Variants in SPOCK3 observed in about 807,000 individuals in gnomAD.
SPOCK3 encodes the protein testican-3.
SPOCK3 carries 30 observed loss-of-function variants against 56.6 expected under a neutral mutation model. The observed-to-expected ratio is 0.53, with a 90% CI of 0.40 to 0.72. SPOCK3 has a LOEUF of 0.72. Ranked by LOEUF, SPOCK3 falls within the 30% of genes least tolerant of loss-of-function variation. The pLI is 0.00. For synonymous variants in SPOCK3, 196 were observed against 183.3 expected (o/e 1.07, Z -0.56); for missense variants, 527 against 530.0 (o/e 0.99, Z 0.06).
At chr4:167,085,709 T>C (rs948866939) in intron 2 of SPOCK3, among the ~76,000 whole-genome samples, 3 of 152,096 alleles carry the variant, frequency 2.0e-5, no homozygotes, top group Non-Finnish European at 2.9e-5. Flanking sequence ...AAAACTTTCC[T>C]TCATCATTTT....
At chr4:167,120,593 C>T (rs1169012213) in intron 2 of SPOCK3, among the ~76,000 whole-genome samples, 1 of 151,948 alleles carries the variant, frequency 6.6e-6, no homozygotes, top group Non-Finnish European at 1.5e-5. Flanking sequence ...TTTCTGTTAG[C>T]ATACATTGTC....
chr4:167,109,351 TAA>T (rs1760622369), intron 2 of SPOCK3, among the ~76,000 whole-genome samples: 2 of 44,872 alleles, frequency 4.5e-5, no homozygotes, highest in African/African-American at 7.7e-5. Flanking sequence ...TATAATAAAA[TAA>T]ATATATATTT....
At chr4:167,234,638 T>G (rs2111200373), upstream of SPOCK3, 10 of 174,638 alleles carry the variant, frequency 5.7e-5, no homozygotes, top group Non-Finnish European at 1.1e-4. Context: ...CTCCCCTCCG[T>G]TCCCCCTCCC....
At chr4:166,954,541 C>A (rs1396556711) in intron 4 of SPOCK3, among the ~76,000 whole-genome samples, 1 of 152,106 alleles carries the variant, frequency 6.6e-6, no homozygotes, top group East Asian at 1.9e-4. Flanking sequence ...GTTTTCCCAA[C>A]ACCATTTAAT....
At chr4:167,169,301 A>G (rs772756709) in intron 2 of SPOCK3, among the ~76,000 whole-genome samples, 1 of 152,222 alleles carries the variant, frequency 6.6e-6, no homozygotes. Flanking sequence ...ATTCAATGCC[A>G]GACTGTGAAA....
chr4:166,997,572 C>G (rs1432079955), intron 4 of SPOCK3, among the ~76,000 whole-genome samples: 1 of 152,098 alleles, frequency 6.6e-6, no homozygotes, highest in Non-Finnish European at 1.5e-5. Flanking sequence ...GTTTTACTAA[C>G]CTCCTCAAAG....
At chr4:166,995,110 T>C (rs961372838) in intron 4 of SPOCK3, among the ~76,000 whole-genome samples, 1 of 152,062 alleles carries the variant, frequency 6.6e-6, no homozygotes, top group Non-Finnish European at 1.5e-5. Flanking sequence ...AGTGTCCAAG[T>C]CTACCAATTG....
chr4:166,754,807 A>C, intron 7 of SPOCK3, 78 bp from the exon 8 acceptor site: 1 of 1,334,172 alleles, frequency 7.5e-7, no homozygotes, highest in Non-Finnish European at 1.1e-6. Flanking sequence ...TCAACATAGC[A>C]GGTAGCTAGT....
chr4:167,229,717 A>G (rs907039494), intron 2 of SPOCK3, among the ~76,000 whole-genome samples: 2 of 152,136 alleles, frequency 1.3e-5, no homozygotes, highest in Non-Finnish European at 2.9e-5. Context: ...TGCCTCTGAG[A>G]CATGTCAGCC....
chr4:167,009,612 A>G (rs1181799648), intron 3 of SPOCK3, among the ~76,000 whole-genome samples: 1 of 152,108 alleles, frequency 6.6e-6, no homozygotes, highest in African/African-American at 2.4e-5. Flanking sequence ...CAGTGCATAC[A>G]GAACCCTCAC....
intron 2 of SPOCK3, among the ~76,000 whole-genome samples, chr4:167,072,841 A>T (rs1423653105): frequency 6.6e-6 from 1 of 151,880 alleles, no homozygotes; most frequent in Non-Finnish European, 1.5e-5. Flanking sequence ...TTTTAGACAC[A>T]GGTTGCAAAT....
chr4:166,777,647 G>A (rs895636038), intron 7 of SPOCK3, among the ~76,000 whole-genome samples: 2 of 152,072 alleles, frequency 1.3e-5, no homozygotes, highest in African/African-American at 4.8e-5. Context: ...TGAGGCAGGA[G>A]GATCACTTGA....
chr4:166,953,324 C>A (rs1397948142), intron 4 of SPOCK3, among the ~76,000 whole-genome samples: 22 of 152,188 alleles, frequency 1.4e-4, no homozygotes, highest in African/African-American at 1.7e-4. Flanking sequence ...GCCAGAAAAC[C>A]CATGAAAAAA....
intron 4 of SPOCK3, among the ~76,000 whole-genome samples, chr4:166,944,439 A>G (rs1039200188): frequency 6.6e-6 from 1 of 152,170 alleles, no homozygotes; most frequent in African/African-American, 2.4e-5. Flanking sequence ...TGTCCTTTTT[A>G]GTAAATGAAT....
intron 6 of SPOCK3, among the ~76,000 whole-genome samples, chr4:166,819,547 C>T (rs1744711075): frequency 6.6e-6 from 1 of 151,870 alleles, no homozygotes; most frequent in African/African-American, 2.4e-5. Context: ...GGATACAGAA[C>T]CAATATACAC....
intron 2 of SPOCK3, among the ~76,000 whole-genome samples, chr4:167,063,938 T>G (rs1024816273): frequency 1.3e-5 from 2 of 151,894 alleles, no homozygotes; most frequent in African/African-American, 4.8e-5. Flanking sequence ...CTAATATATT[T>G]ACGGTTCTGA....
chr4:166,907,319 G>T (rs2127078460), intron 5 of SPOCK3, among the ~76,000 whole-genome samples: 1 of 152,160 alleles, frequency 6.6e-6, no homozygotes, highest in Admixed American at 6.6e-5. Flanking sequence ...AAAGGGACTG[G>T]GGTGGAGGTA....
At chr4:166,781,283 A>G (rs943436276) in intron 7 of SPOCK3, among the ~76,000 whole-genome samples, 8 of 152,188 alleles carry the variant, frequency 5.3e-5, no homozygotes, top group African/African-American at 1.9e-4. Flanking sequence ...CTTTAAAATT[A>G]CAATGATTAA....
intron 4 of SPOCK3, among the ~76,000 whole-genome samples, chr4:166,946,479 C>A (rs901496691): frequency 1.3e-5 from 2 of 152,172 alleles, no homozygotes; most frequent in African/African-American, 4.8e-5. Flanking sequence ...CTAACCTGTG[C>A]CGCCAAGTCC....
Sources: gnomAD v4.1 joint callset for allele counts (sites outside exome capture counted in the v4.1 genomes callset) on GRCh38, gnomAD v4.1.1 for gene constraint, MANE v1.5 for transcripts, NCBI Gene and HGNC (gene_info 2026-07-23, HGNC 2026-07-21) for gene names.